The following CAMK2A variants were observed in gnomAD, a reference collection of about 807,000 sequenced individuals.
CAMK2A encodes the protein calcium/calmodulin dependent protein kinase II alpha, also known as calcium/calmodulin-dependent protein kinase type II subunit alpha.
Under a neutral mutation model 79.2 loss-of-function variants are expected in CAMK2A, and 7 were observed. The ratio of observed to expected loss-of-function variants is 0.09; its 90% CI spans 0.05 to 0.17. The LOEUF (loss-of-function observed/expected upper bound fraction) is 0.17, where lower values mean the gene tolerates loss of function less well. CAMK2A is among the 10% of genes least tolerant of loss of function. CAMK2A has a pLI of 1.00. For missense variants in CAMK2A, 214 were observed against 646.4 expected, an observed-to-expected ratio of 0.33 and a Z score of 7.25; for synonymous variants, 242 against 251.7, an observed-to-expected ratio of 0.96 and a Z score of 0.36.
chr5:150,266,499 G>A (rs1756519484), intron 2 of CAMK2A, among the ~76,000 whole-genome samples: 1 of 152,160 alleles, frequency 6.6e-6, no homozygotes, highest in Non-Finnish European at 1.5e-5. Context: ...GCCAAGCACT[G>A]TGCAGAGGGC....
chr5:150,255,579 C>T (rs1316256379), intron 6 of CAMK2A, among the ~76,000 whole-genome samples: 1 of 152,222 alleles, frequency 6.6e-6, no homozygotes, highest in African/African-American at 2.4e-5. Context: ...TTCCAAATGG[C>T]AGAACTGAGG....
In CAMK2A at chr5:150,256,156, C is replaced by G. The variant is rs1043926445; in HGVS notation, c.411+417G>C. On this transcript the variant is annotated intron_variant, in intron 6 of 18. Coordinates refer to ENST00000671881, the MANE Select transcript of CAMK2A (RefSeq NM_015981.4). This position sits in a 1 kb window ranked among gnomAD's most constrained non-coding sequence, Gnocchi z 4.6. ...CGTGCTATCTCATTTCATATCCTCA[C>G]CAACCCTTTGCAGAGGTTGCTATGG... 2.9e-4 allele frequency among the ~76,000 whole-genome samples: 44 copies of G among 152,334 alleles called. No individual in the cohort carries two copies. Among genetic ancestry groups the G allele is most frequent in the African/African-American group, 1.0e-3 (42 of 41,574 alleles).
chr5:150,251,671 C>G, intron 9 of CAMK2A, 79 bp downstream of exon 9: 4 of 1,137,164 alleles, frequency 3.5e-6, no homozygotes, highest in Non-Finnish European at 5.0e-6. Flanking sequence ...TGTGCCAGAA[C>G]TAGAGAGTGG....
At chr5:150,231,166 A>G (rs1357368663) in intron 16 of CAMK2A, 139 bp downstream of exon 16, 1 of 466,868 alleles carries the variant, frequency 2.1e-6, no homozygotes, top group African/African-American at 2.0e-5. Flanking sequence ...TGCAAAATAG[A>G]AATATGAGTT....
chr5:150,239,576 A>G, intron 14 of CAMK2A, 128 bp downstream of exon 14: 1 of 804,656 alleles, frequency 1.2e-6, no homozygotes. Context: ...CACACAAGGC[A>G]CACGTACCAA....
In CAMK2A at chr5:150,284,289, A is replaced by AGTGTGT. The variant is rs57326866; in HGVS notation, c.62+5269_62+5274dup. On this transcript the variant is annotated intron_variant, in intron 1 of 18. Coordinates refer to ENST00000671881, the MANE Select transcript of CAMK2A (RefSeq NM_015981.4). The surrounding 1 kb of genome is among the most constrained non-coding windows in gnomAD (Gnocchi z 5.3). Reference sequence around the variant, plus strand: ...TCGTGCTCTATGCCCTGTCACAGCCAGTGTGTGTGTGTGTGTCCATGTGCA... The same window carrying AGTGTGT: ...TCGTGCTCTATGCCCTGTCACAGCCAGTGTGTGTGTGTGTGTGTGTGTCCATGTGCA... 6.6e-6 allele frequency among the ~76,000 whole-genome samples: 1 copy of AGTGTGT among 151,684 alleles called. No individual in the cohort carries two copies. Among genetic ancestry groups the AGTGTGT allele is most frequent in the South Asian group, 2.1e-4 (1 of 4,802 alleles).
At chr5:150,244,166 CGTT>C (rs1047704209) in intron 13 of CAMK2A, among the ~76,000 whole-genome samples, 8 of 152,222 alleles carry the variant, frequency 5.3e-5, no homozygotes, top group African/African-American at 1.4e-4. Context: ...ACACCCCACT[CGTT>C]GTACTTAGGG....
intron 2 of CAMK2A, among the ~76,000 whole-genome samples, chr5:150,270,089 T>G (rs569506649): frequency 6.6e-6 from 1 of 152,316 alleles, no homozygotes; most frequent in Admixed American, 6.5e-5. Flanking sequence ...ATTCTACCTC[T>G]GTGTGTGCAG....
intron 1 of CAMK2A, among the ~76,000 whole-genome samples, chr5:150,283,630 G>A (rs1389183359): frequency 6.6e-6 from 1 of 152,088 alleles, no homozygotes; most frequent in African/African-American, 2.4e-5. Context: ...CCAACTAATC[G>A]AGGTCTCTTT....
rs1754215957 is a variant in CAMK2A at position 150,219,868 on chromosome 5, T to TA, written c.*2841dup. ...ACTTGGGTTTGGATTTTTATTTATT[T>TA]ATTTATTATTATTATTATTATTATT... is the stretch of plus-strand genomic sequence containing the variant. On this transcript the variant is annotated 3_prime_UTR_variant, in exon 19 of 19. Transcript: ENST00000671881. 1.9e-5 allele frequency: 1 copy of TA among 53,206 alleles called. No individual in the cohort carries two copies. The highest frequency in any genetic ancestry group is 3.3e-4 in the Admixed American group (1 of 3,016). The allele number at this position is 53,206 out of a possible 1,614,324, so 3.3% of individuals were successfully genotyped here.
intron 3 of CAMK2A, among the ~76,000 whole-genome samples, chr5:150,264,360 T>C (rs1313853004): frequency 6.6e-6 from 1 of 152,148 alleles, no homozygotes; most frequent in Non-Finnish European, 1.5e-5. Flanking sequence ...CTCAGCACCC[T>C]CATAGGCAGG....
At chr5:150,240,407 G>A (rs1359005317) in intron 13 of CAMK2A, among the ~76,000 whole-genome samples, 1 of 152,184 alleles carries the variant, frequency 6.6e-6, no homozygotes. Flanking sequence ...CCTGGTGGCT[G>A]GCCTATTCCA....
intron 1 of CAMK2A, among the ~76,000 whole-genome samples, chr5:150,283,497 C>T (rs531702455): frequency 6.6e-6 from 1 of 152,310 alleles, no homozygotes; most frequent in East Asian, 1.9e-4. Flanking sequence ...ACCTCAGCCT[C>T]CCGAGTAGCT....
chr5:150,223,294 C>G lies in CAMK2A; in HGVS notation c.1238-77G>C. 1.5e-5 allele frequency: 19 copies of G among 1,229,822 alleles called. No individual in the cohort carries two copies. Among genetic ancestry groups the G allele is most frequent in the Non-Finnish European group, 2.2e-5 (19 of 866,654 alleles). 76.2% of individuals were successfully genotyped at this position (1,229,822 alleles called of 1,614,324 possible). Reference sequence around the variant, plus strand: ...CTCACTTTCTTCACTTTCTCCACTCCCAGCAGCCCTCTCAATGGAGGCGCC... The same window carrying G: ...CTCACTTTCTTCACTTTCTCCACTCGCAGCAGCCCTCTCAATGGAGGCGCC... On this transcript the variant is annotated intron_variant, in intron 17 of 18. Coordinates refer to ENST00000671881, the MANE Select transcript of CAMK2A (RefSeq NM_015981.4). The surrounding 1 kb of genome is among the most constrained non-coding windows in gnomAD (Gnocchi z 4.1).
intron 2 of CAMK2A, among the ~76,000 whole-genome samples, chr5:150,270,425 G>A (rs973601900): frequency 6.6e-5 from 10 of 152,068 alleles, no homozygotes; most frequent in African/African-American, 1.9e-4. Flanking sequence ...CAAATATATC[G>A]TGGGTTTGGG....
chr5:150,250,388 G>T, intron 10 of CAMK2A, 79 bp from the exon 11 acceptor site: 2 of 1,158,042 alleles, frequency 1.7e-6, no homozygotes, highest in Non-Finnish European at 2.6e-6. Flanking sequence ...CTTCAGCAGG[G>T]CATCTTAATG....
intron 17 of CAMK2A, among the ~76,000 whole-genome samples, chr5:150,226,523 G>A (rs1754603253): frequency 1.3e-5 from 2 of 151,926 alleles, no homozygotes; most frequent in South Asian, 4.2e-4. Flanking sequence ...GATCACCTGA[G>A]GTCTGGAGCT....
chr5:150,247,690 G>A (rs1755631064), intron 12 of CAMK2A, 82 bp downstream of exon 12: 13 of 1,166,818 alleles, frequency 1.1e-5, no homozygotes, highest in Non-Finnish European at 1.6e-5. Context: ...AGTGGCCTGG[G>A]GGCACTCCAA....
rs1562119947 is a variant in CAMK2A at position 150,219,567 on chromosome 5, C to G, written c.*3143G>C. On this transcript the variant is annotated 3_prime_UTR_variant, in exon 19 of 19. Transcript: ENST00000671881. ...AAACGCCCCTTCTTCCCATCCCACC[C>G]GCCCCCCCCAATAGCAGAAAGTTTG... 2.1e-5 allele frequency: 1 copy of G among 48,108 alleles called. No homozygotes were observed. Among genetic ancestry groups the G allele is most frequent in the African/African-American group, 4.2e-5 (1 of 23,748 alleles). 3.0% of individuals were successfully genotyped at this position (48,108 alleles called of 1,614,324 possible). A position where few individuals can be genotyped will look rare whatever the true frequency, so the allele number is the denominator to read the frequency against.
Sources: gnomAD v4.1 joint callset for allele counts (sites outside exome capture counted in the v4.1 genomes callset) on GRCh38, gnomAD v4.1.1 for gene constraint, Gnocchi (gnomAD v3.1) non-coding constraint, MANE v1.5 for transcripts, NCBI Gene and HGNC (gene_info 2026-07-23, HGNC 2026-07-21) for gene names.